Variants in AGTR1 observed in about 807,000 individuals in gnomAD.
The protein encoded by AGTR1 is angiotensin II receptor type 1.
Under a neutral mutation model 19.4 loss-of-function variants are expected in AGTR1, and 16 were observed. That is an observed-to-expected ratio of 0.82 (90% CI 0.56 to 1.25). The LOEUF (loss-of-function observed/expected upper bound fraction) is 1.25. Ranked by LOEUF, AGTR1 falls within the 50% of genes most tolerant of loss-of-function variation. The pLI, the probability that AGTR1 is intolerant of heterozygous loss-of-function variation, is 0.00. For missense variants in AGTR1, 373 were observed against 431.9 expected (o/e 0.86, Z 1.21); for synonymous variants, 153 against 154.9 (o/e 0.99, Z 0.09).
At chr3:148,709,064 C>A (rs1712832773) in intron 2 of AGTR1, among the ~76,000 whole-genome samples, 1 of 152,118 alleles carries the variant, frequency 6.6e-6, no homozygotes, top group Non-Finnish European at 1.5e-5. Flanking sequence ...AATAGTAACA[C>A]TTTACAGAGT....
chr3:148,715,815 G>C (rs1442541280), intron 2 of AGTR1, among the ~76,000 whole-genome samples: 1 of 152,096 alleles, frequency 6.6e-6, no homozygotes, highest in Non-Finnish European at 1.5e-5. Flanking sequence ...GTTTACCCTT[G>C]TATTCATATA....
At chr3:148,698,394 C>A (rs1712100579) in intron 1 of AGTR1, 1 of 152,172 alleles carries the variant, frequency 6.6e-6, no homozygotes, top group Non-Finnish European at 1.5e-5. Flanking sequence ...CAAACTCTTC[C>A]GAGTGCAAGG....
chr3:148,739,995 G>A, intron 2 of AGTR1: 2 of 1,229,430 alleles, frequency 1.6e-6, no homozygotes, highest in Non-Finnish European at 2.0e-6. Flanking sequence ...CTCCTTCCTG[G>A]GACTTCCTGA....
chr3:148,698,994 T>A (rs1409209612), intron 1 of AGTR1, among the ~76,000 whole-genome samples: 1 of 150,518 alleles, frequency 6.6e-6, no homozygotes, highest in Non-Finnish European at 1.5e-5. Flanking sequence ...ACCGTTTTTT[T>A]CTTTGGGCAA....
At position 148,741,333 on chromosome 3, in the gene AGTR1, C is replaced by T. The variant is rs765894072; in HGVS notation, c.298C>T (p.Leu100=). 116 of 1,608,922 alleles carry T rather than the reference C, an allele frequency of 7.2e-5. No homozygotes were observed. The Middle Eastern group carries it at 2.0e-3, about 27-fold the overall frequency. ...MEYRWPFGNY[L]CKIASASVSF... ...ATACCGCTGGCCCTTTGGCAATTAC[C>T]TATGTAAGATTGCTTCAGCCAGCGT... Residue 100 remains leucine (L), a synonymous_variant, in exon 3 of 3, where the codon CTA becomes TTA. Transcript: ENST00000349243.
At chr3:148,710,210 A>C (rs995052649) in intron 2 of AGTR1, among the ~76,000 whole-genome samples, 7 of 152,120 alleles carry the variant, frequency 4.6e-5, no homozygotes, top group African/African-American at 7.2e-5. Context: ...TTTTAAACTT[A>C]TTTGGGAAGT....
intron 1 of AGTR1, among the ~76,000 whole-genome samples, chr3:148,704,537 C>T (rs1410758682): frequency 1.3e-5 from 2 of 152,126 alleles, no homozygotes; most frequent in Non-Finnish European, 2.9e-5. Flanking sequence ...CATTCCAACT[C>T]AAATTACATA....
chr3:148,734,775 T>C (rs900326739), intron 2 of AGTR1, among the ~76,000 whole-genome samples: 32 of 152,302 alleles, frequency 2.1e-4, no homozygotes, highest in African/African-American at 7.0e-4. Flanking sequence ...TGGTCTGCCA[T>C]GCTTCCCTCT....
chr3:148,741,974 T>C lies in AGTR1; in HGVS notation c.939T>C (p.Phe313=). 6.2e-7 allele frequency: 1 copy of C among 1,613,690 alleles called. No homozygotes were observed. Among genetic ancestry groups the C allele is most frequent in the Non-Finnish European group, 8.5e-7 (1 of 1,179,942 alleles). The stretch of plus-strand genomic sequence containing the variant: ...TGGGGAAAAAATTTAAAAGATATTT[T>C]CTCCAGCTTCTAAAATATATTCCCC... ...GFLGKKFKRY[F]LQLLKYIPPK... is the part of the protein sequence containing the mutation. The change falls in exon 3 of 3, where the codon TTT becomes TTC. Residue 313 remains phenylalanine, a synonymous_variant. Coordinates refer to ENST00000349243, the MANE Select transcript of AGTR1 (RefSeq NM_000685.5).
intron 1 of AGTR1, among the ~76,000 whole-genome samples, chr3:148,700,534 C>T (rs141405793): frequency 2.0e-5 from 3 of 152,184 alleles, no homozygotes; most frequent in Non-Finnish European, 4.4e-5. Context: ...TGCCCTCTAG[C>T]CGCATGCTTA....
intron 2 of AGTR1, among the ~76,000 whole-genome samples, chr3:148,723,405 G>T (rs1713755712): frequency 6.6e-6 from 1 of 152,140 alleles, no homozygotes; most frequent in African/African-American, 2.4e-5. Flanking sequence ...CACTGAGTGT[G>T]GCTCTATGAA....
intron 1 of AGTR1, among the ~76,000 whole-genome samples, chr3:148,699,532 A>G (rs371571017): frequency 1.3e-5 from 2 of 152,040 alleles, no homozygotes; most frequent in South Asian, 2.1e-4. Flanking sequence ...AGGGGCAGGA[A>G]AGCATGGGGA....
intron 2 of AGTR1, among the ~76,000 whole-genome samples, chr3:148,730,928 G>A (rs1397810620): frequency 6.6e-6 from 1 of 152,164 alleles, no homozygotes; most frequent in Admixed American, 6.5e-5. Flanking sequence ...GCCCCAGTGT[G>A]ATGAGCACTT....
chr3:148,704,384 T>TAAC (rs1395921706), intron 1 of AGTR1, among the ~76,000 whole-genome samples: 1 of 151,538 alleles, frequency 6.6e-6, no homozygotes, highest in Admixed American at 6.6e-5. Context: ...ATAATAATAA[T>TAAC]AACAACTTTT....
chr3:148,703,179 C>T (rs1340781409), intron 1 of AGTR1, among the ~76,000 whole-genome samples: 2 of 152,134 alleles, frequency 1.3e-5, no homozygotes, highest in Admixed American at 1.3e-4. Flanking sequence ...TCTTTTCTCC[C>T]CCTGTCCTCA....
chr3:148,739,183 A>G (rs1375713377), intron 2 of AGTR1, among the ~76,000 whole-genome samples: 1 of 151,986 alleles, frequency 6.6e-6, no homozygotes, highest in African/African-American at 2.4e-5. Flanking sequence ...ACATGGCAAA[A>G]CCCCGTCTCT....
At chr3:148,712,167 C>G (rs1221052245) in intron 2 of AGTR1, among the ~76,000 whole-genome samples, 2 of 151,984 alleles carry the variant, frequency 1.3e-5, no homozygotes. Flanking sequence ...GTTGTCTTTT[C>G]CCTTCAATTA....
At chr3:148,728,400 A>G (rs892328894) in intron 2 of AGTR1, among the ~76,000 whole-genome samples, 1 of 152,220 alleles carries the variant, frequency 6.6e-6, no homozygotes, top group African/African-American at 2.4e-5. Context: ...AAACAAAAAG[A>G]AGTATAAAAT....
chr3:148,713,570 A>G lies in AGTR1; in HGVS notation c.-48+5543A>G, dbSNP rs549643509. Among the ~76,000 whole-genome samples the G allele has an allele frequency of 6.6e-5, 10 of 152,302 alleles. 1 individual carries two copies. In the South Asian group the frequency reaches 2.1e-3, roughly 32 times the overall value. On this transcript the variant is annotated intron_variant, in intron 2 of 2. Transcript: ENST00000349243. ...TCCTCTCACAAGAGGGGAAGGTGAT[A>G]CACAATTTAGTTGGGAAGCAAATGT...
Sources: allele counts gnomAD v4.1 joint callset (sites outside exome capture counted in the v4.1 genomes callset), GRCh38; gene constraint gnomAD v4.1.1; transcripts MANE v1.5; gene names NCBI Gene and HGNC (gene_info 2026-07-23, HGNC 2026-07-21).